ZSCAN20: variants seen among roughly 807,000 people sequenced by gnomAD.
The protein encoded by ZSCAN20 is zinc finger and SCAN domain containing 20.
Under a neutral mutation model 97.1 loss-of-function variants are expected in ZSCAN20, and 39 were observed. The ratio of observed to expected loss-of-function variants is 0.40; its 90% confidence interval spans 0.31 to 0.52. The LOEUF (loss-of-function observed/expected upper bound fraction) is 0.52. Ranked by LOEUF, ZSCAN20 falls within the 20% of genes least tolerant of loss-of-function variation. The pLI, the probability that ZSCAN20 is intolerant of heterozygous loss-of-function variation, is 0.49. For missense variants in ZSCAN20, 1,115 were observed against 1,290.4 expected, an observed-to-expected ratio of 0.86 and a Z score of 2.08; for synonymous variants, 456 against 467.3, an observed-to-expected ratio of 0.98 and a Z score of 0.31.
At position 33,494,972 on chromosome 1, in the gene ZSCAN20, G is replaced by A; in HGVS notation, c.2628G>A (p.Glu876=). 6.2e-7 allele frequency: 1 copy of A among 1,614,136 alleles called. No homozygotes were observed. Among genetic ancestry groups the A allele is most frequent in the Non-Finnish European group, 8.5e-7 (1 of 1,180,026 alleles). The change falls in exon 8 of 8, where the codon GAG becomes GAA. Residue 876 remains glutamate (E), a synonymous_variant. Coordinates refer to ENST00000684572, the MANE Select transcript of ZSCAN20 (RefSeq NM_001377376.1). ...HSTNSGEKLY[E]CSECGRSFSK... ...CAAACTCAGGGGAGAAACTTTATGA[G>A]TGTTCTGAATGTGGAAGAAGCTTCT...
Position 33,497,303 on chromosome 1 carries a change from G to C in ZSCAN20, c.*1827G>C, listed in dbSNP as rs1557450055. Among the ~76,000 whole-genome samples, 1 of 152,184 alleles carries C rather than the reference G, an allele frequency of 6.6e-6. No individual in the cohort carries two copies. Among genetic ancestry groups the C allele is most frequent in the Non-Finnish European group, 1.5e-5 (1 of 68,032 alleles). ...TGGCCCACGTTATCTCTGCGGGGCAGGGGTCATGGGATGAACCCTGGATAG... is the reference window on the plus strand; with the variant it reads ...TGGCCCACGTTATCTCTGCGGGGCACGGGTCATGGGATGAACCCTGGATAG... On this transcript the variant is annotated 3_prime_UTR_variant, in exon 8 of 8. Transcript: ENST00000684572.
intron 3 of ZSCAN20, among the ~76,000 whole-genome samples, 177 bp downstream of exon 3, chr1:33,488,828 G>A (rs563655265): frequency 1.3e-5 from 2 of 151,802 alleles, no homozygotes; most frequent in African/African-American, 2.4e-5. Flanking sequence ...TGTGCCTATC[G>A]ATGATGTCAT....
Position 33,489,203 on chromosome 1 carries a change from C to T in ZSCAN20, c.681+12C>T, listed in dbSNP as rs757817292. ...CAGCTGAGTCCCAGGTAAGCTGTTA[C>T]TCGTTCTTCCTTTCCTGTCATTGCT... On this transcript the variant is annotated intron_variant, in intron 4 of 7. Transcript: ENST00000684572. 5 of 1,612,266 alleles carry T rather than the reference C, an allele frequency of 3.1e-6. No homozygotes were observed. The African/African-American group carries it at 5.3e-5, about 17-fold the overall frequency.
rs1360699632 is a variant in ZSCAN20, at chr1:33,489,590, A to T, written c.754A>T (p.Ser252Cys). 3 of 1,614,122 alleles carry T rather than the reference A, an allele frequency of 1.9e-6. No individual in the cohort carries two copies. The East Asian group carries it at 6.7e-5, about 36-fold the overall frequency. The change falls in exon 5 of 8, where the codon AGC becomes TGC. Residue 252 changes from serine to cysteine, a missense_variant. Physicochemically the swap from Ser to Cys is moderately radical, Grantham distance 112. Around this residue, in one of 3 missense-constraint regions of ZSCAN20, gnomAD observed 508 missense variants for 611.2 expected, o/e 0.83. Transcript: ENST00000684572. ...KDPPGDDCGN[S>C]VCLGVPVSKP... ...CCCCCCAGGAGACGACTGTGGGAAC[A>T]GCGTGTGCCTGGGTAAGGAGACGTA...
intron 2 of ZSCAN20, among the ~76,000 whole-genome samples, chr1:33,482,956 G>C (rs1211524373): frequency 1.3e-5 from 2 of 152,026 alleles, no homozygotes; most frequent in Non-Finnish European, 2.9e-5. Flanking sequence ...GTATGTTCGG[G>C]GTAACGGTCC....
intron 2 of ZSCAN20, among the ~76,000 whole-genome samples, chr1:33,484,166 T>G (rs1297069107): frequency 6.6e-6 from 1 of 152,242 alleles, no homozygotes; most frequent in Non-Finnish European, 1.5e-5. Flanking sequence ...GTCTTTTTCT[T>G]TCTTCCCAAT....
At chr1:33,476,181 A>C (rs1651931817) in intron 1 of ZSCAN20, among the ~76,000 whole-genome samples, 1 of 152,170 alleles carries the variant, frequency 6.6e-6, no homozygotes, top group Non-Finnish European at 1.5e-5. Context: ...TCATCTCGGA[A>C]CTGAGGAATG....
intron 1 of ZSCAN20, 132 bp from the exon 2 acceptor site, chr1:33,479,047 C>G (rs1652036888): frequency 2.4e-6 from 1 of 409,644 alleles, no homozygotes; most frequent in African/African-American, 2.0e-5. Context: ...GCCTTACTTC[C>G]TGCCTATGGG....
In ZSCAN20 at chr1:33,491,109, A is replaced by G. The variant is rs1652586624; in HGVS notation, c.851A>G (p.Lys284Arg). 6.2e-7 allele frequency: 1 copy of G among 1,614,006 alleles called. No homozygotes were observed. Among genetic ancestry groups the G allele is most frequent in the Admixed American group, 1.7e-5 (1 of 60,008 alleles). Residue 284 changes from lysine to arginine, a missense_variant, in exon 6 of 8, where the codon AAA becomes AGA. This residue lies in a region of ZSCAN20 where 508 missense variants were observed against 611.2 expected (regional missense o/e 0.83). Transcript: ENST00000684572. This position sits in a 1 kb window ranked among gnomAD's most constrained non-coding sequence, Gnocchi z 4.3. ...GGTCTAAGTCTTATAAATTCTGGGA[A>G]AAGGAGCACTGCAGATTACAGCCTG... is the stretch of plus-strand genomic sequence containing the variant. The part of the protein sequence containing the change: ...FWGLSLINSG[K>R]RSTADYSLDN...
intron 4 of ZSCAN20, 162 bp from the exon 5 acceptor site, chr1:33,489,356 C>A: frequency 3.0e-6 from 3 of 987,568 alleles, no homozygotes; most frequent in Non-Finnish European, 3.1e-6. Flanking sequence ...CAAACATCCC[C>A]AAACACATGT....
In ZSCAN20 at chr1:33,493,300, A is replaced by T; in HGVS notation, c.1558A>T (p.Ile520Phe). The T allele has an allele frequency of 6.2e-7, 1 of 1,614,190 alleles. No homozygotes were observed. The highest frequency in any genetic ancestry group is 8.5e-7 in the Non-Finnish European group (1 of 1,180,032). ...CHQNSQVYRA[I>F]AERLCALGFL... The stretch of plus-strand genomic sequence containing the variant: ...CCAGAACAGCCAGGTGTACCGGGCC[A>T]TTGCAGAGCGGCTGTGTGCTCTGGG... The change falls in exon 7 of 8, where the codon ATT becomes TTT. Residue 520 changes from isoleucine to phenylalanine, a missense_variant. This residue lies in a region of ZSCAN20 where 53 missense variants were observed against 94.3 expected (regional missense o/e 0.56). Transcript: ENST00000684572. This position sits in a 1 kb window ranked among gnomAD's most constrained non-coding sequence, Gnocchi z 4.3.
intron 1 of ZSCAN20, among the ~76,000 whole-genome samples, chr1:33,475,825 A>AT (rs10542814): frequency 2.1e-5 from 3 of 141,656 alleles, no homozygotes; most frequent in South Asian, 2.3e-4. Context: ...ACGCTTGGCT[A>AT]TTTTTTTTTT....
chr1:33,472,754 G>A (rs1237528512), intron 1 of ZSCAN20, 63 bp downstream of exon 1: 1 of 152,116 alleles, frequency 6.6e-6, no homozygotes, highest in Non-Finnish European at 1.5e-5. Flanking sequence ...GACTTAGGAG[G>A]TGGTGGTGAC....
At position 33,498,329 on chromosome 1, in the gene ZSCAN20, T is replaced by C. The variant is rs1452248012; in HGVS notation, c.*2853T>C. ...CTTTAGTGAACAGTTTTGATGTTTA[T>C]TATCTGCCATTCTTGTCTCATGAAT... On this transcript the variant is annotated 3_prime_UTR_variant, in exon 8 of 8. Transcript: ENST00000684572. Among the ~76,000 whole-genome samples, 1 of 152,246 alleles carries C rather than the reference T, an allele frequency of 6.6e-6. No homozygotes were observed. Among genetic ancestry groups the C allele is most frequent in the African/African-American group, 2.4e-5 (1 of 41,466 alleles).
intron 7 of ZSCAN20, 54 bp from the exon 8 acceptor site, chr1:33,494,164 C>T: frequency 6.7e-7 from 1 of 1,482,400 alleles, no homozygotes; most frequent in Non-Finnish European, 9.1e-7. Flanking sequence ...CACAAACACA[C>T]ACACACGCGC....
At chr1:33,483,253 C>CT (rs750514521) in intron 2 of ZSCAN20, among the ~76,000 whole-genome samples, 65 of 58,220 alleles carry the variant, frequency 1.1e-3, no homozygotes, top group African/African-American at 3.9e-3. Flanking sequence ...AGGATAGAAG[C>CT]TTTTTTTTTT....
intron 2 of ZSCAN20, among the ~76,000 whole-genome samples, chr1:33,481,832 T>C (rs1035809763): frequency 2.0e-5 from 3 of 152,164 alleles, no homozygotes; most frequent in African/African-American, 7.2e-5. Context: ...TCCCCCTCTC[T>C]GTCAGATGCC....
rs1218327021 is a variant in ZSCAN20, at chr1:33,488,533, G to C, written c.486G>C (p.Leu162=). The C allele has an allele frequency of 6.2e-7, 1 of 1,614,154 alleles. No homozygotes were observed. Among genetic ancestry groups the C allele is most frequent in the East Asian group, 2.2e-5 (1 of 44,880 alleles). Residue 162 remains leucine (L), a synonymous_variant, in exon 3 of 8, where the codon CTG becomes CTC. Transcript: ENST00000684572. ...GGGAAGAAGCTCAGAGCTTCCAGCTGCAGCCAGTGGATCCCTGGCCTGAGG... is the reference window on the plus strand; with the variant it reads ...GGGAAGAAGCTCAGAGCTTCCAGCTCCAGCCAGTGGATCCCTGGCCTGAGG... ...KTGEEAQSFQ[L]QPVDPWPEGQ...
chr1:33,477,493 G>A (rs966214751), intron 1 of ZSCAN20, among the ~76,000 whole-genome samples: 1 of 151,792 alleles, frequency 6.6e-6, no homozygotes, highest in Non-Finnish European at 1.5e-5. Flanking sequence ...CCCAGCATGG[G>A]TGCCATCAGA....
Sources: allele counts gnomAD v4.1 joint callset (sites outside exome capture counted in the v4.1 genomes callset), GRCh38; gene constraint gnomAD v4.1.1; regional missense constraint gnomAD v4.1.1; non-coding constraint Gnocchi (gnomAD v3.1); transcripts MANE v1.5; gene names NCBI Gene and HGNC (gene_info 2026-07-23, HGNC 2026-07-21).